ZNF521: variants seen among roughly 807,000 people sequenced by gnomAD.
The protein encoded by ZNF521 is LYST-interacting protein 3.
A neutral mutation model predicts 105.5 loss-of-function variants in ZNF521; 14 were observed. That is an observed-to-expected ratio of 0.13 (90% CI 0.09 to 0.21). ZNF521 has a LOEUF of 0.21. Among genes scored for constraint, ZNF521 ranks in the 10% least tolerant of loss-of-function variants. ZNF521 has a pLI of 1.00. For missense variants in ZNF521, 1,233 were observed against 1,629.7 expected (o/e 0.76, Z 4.19); for synonymous variants, 635 against 606.0 (o/e 1.05, Z -0.70).
At chr18:25,074,151 CA>C (rs1389287383) in intron 7 of ZNF521, among the ~76,000 whole-genome samples, 5 of 149,612 alleles carry the variant, frequency 3.3e-5, no homozygotes, top group Non-Finnish European at 7.4e-5. Context: ...TTGCGCAGGG[CA>C]AAAAAAAAGA....
intron 7 of ZNF521, among the ~76,000 whole-genome samples, chr18:25,067,936 G>A (rs2033112886): frequency 6.6e-6 from 1 of 152,148 alleles, no homozygotes; most frequent in Admixed American, 6.5e-5. Context: ...ATTCAAAGAT[G>A]TTAATCATTT....
At chr18:25,326,855 C>G (rs145270639) in intron 2 of ZNF521, among the ~76,000 whole-genome samples, 1 of 152,132 alleles carries the variant, frequency 6.6e-6, no homozygotes, top group Non-Finnish European at 1.5e-5. Flanking sequence ...TATATACTCA[C>G]GCAAACTTAA....
rs751210489 is a variant in ZNF521 at position 25,226,534 on chromosome 18, C to T, written c.1384G>A (p.Ala462Thr). ...GAAACAATCAGACCTGGGTCCTGAG[C>T]TTCATGCACTTGCTTAAGATGTTCA... is the stretch of plus-strand genomic sequence containing the variant. ...LNEHLKQVHEAQDPGLIVSAM... is the reference protein window; with the variant it reads ...LNEHLKQVHETQDPGLIVSAM... The change falls in exon 4 of 8, where the codon GCT becomes ACT. Residue 462 changes from alanine to threonine, a missense_variant. By Grantham distance (58) the Ala-to-Thr change is moderately conservative. Transcript: ENST00000361524. The surrounding 1 kb of genome is among the most constrained non-coding windows in gnomAD (Gnocchi z 4.1). The T allele has an allele frequency of 6.2e-7, 1 of 1,614,118 alleles. No individual in the cohort carries two copies. Among genetic ancestry groups the T allele is most frequent in the East Asian group, 2.2e-5 (1 of 44,864 alleles).
At position 25,350,948 on chromosome 18, in the gene ZNF521, C is replaced by T; in HGVS notation, c.-1-1G>A. The T allele has an allele frequency of 6.5e-7, 1 of 1,548,834 alleles. No homozygotes were observed. Among genetic ancestry groups the T allele is most frequent in the Non-Finnish European group, 8.7e-7 (1 of 1,145,552 alleles). ...TTTCGCTTGCTTGCGGCGAGACATCCTAAAAGCAAACAGCTGAAGTTGTTT... is the reference window on the plus strand; with the variant it reads ...TTTCGCTTGCTTGCGGCGAGACATCTTAAAAGCAAACAGCTGAAGTTGTTT... On this transcript the variant is annotated splice_acceptor_variant, in intron 1 of 7. Coordinates refer to ENST00000361524, the MANE Select transcript of ZNF521 (RefSeq NM_015461.3). LOFTEE classifies it low-confidence loss of function (5UTR_SPLICE).
chr18:25,164,778 A>G (rs987004759), intron 5 of ZNF521, among the ~76,000 whole-genome samples: 6 of 152,170 alleles, frequency 3.9e-5, no homozygotes, highest in Non-Finnish European at 7.3e-5. Context: ...TCAATTCACT[A>G]TTTATGCTGA....
chr18:25,325,777 C>T (rs1913183360), intron 2 of ZNF521, among the ~76,000 whole-genome samples: 1 of 152,170 alleles, frequency 6.6e-6, no homozygotes, highest in African/African-American at 2.4e-5. Context: ...TTTTGGAACA[C>T]ACGCACAATT....
chr18:25,146,921 G>A (rs1055802737), intron 5 of ZNF521, among the ~76,000 whole-genome samples: 1 of 151,882 alleles, frequency 6.6e-6, no homozygotes, highest in Non-Finnish European at 1.5e-5. Flanking sequence ...CACATCTTAC[G>A]TGTTTGTAAA....
At chr18:25,180,403 T>C (rs1418073646) in intron 5 of ZNF521, among the ~76,000 whole-genome samples, 1 of 152,116 alleles carries the variant, frequency 6.6e-6, no homozygotes, top group East Asian at 1.9e-4. Context: ...ACAGAAATAA[T>C]GTCAAAAGCA....
intron 7 of ZNF521, among the ~76,000 whole-genome samples, chr18:25,067,265 C>T (rs921651325): frequency 1.3e-5 from 2 of 152,056 alleles, no homozygotes; most frequent in African/African-American, 4.8e-5. Context: ...ACCTTAATAG[C>T]GAGGTTTCAA....
Position 25,062,584 on chromosome 18 carries a change from A to G in ZNF521, c.*128T>C. The stretch of plus-strand genomic sequence containing the variant: ...CATGAACATCCAACAGTTTGATAAT[A>G]CAAGTTTTATGGTACAATACAATGT... On this transcript the variant is annotated 3_prime_UTR_variant, in exon 8 of 8. Transcript: ENST00000361524. 1 of 1,276,204 alleles carries G rather than the reference A, an allele frequency of 7.8e-7. No individual in the cohort carries two copies. The highest frequency in any genetic ancestry group is 1.1e-6 in the Non-Finnish European group (1 of 908,892). 79.1% of individuals were successfully genotyped at this position (1,276,204 alleles called of 1,614,324 possible).
intron 2 of ZNF521, among the ~76,000 whole-genome samples, chr18:25,342,281 C>T (rs1914239173): frequency 6.6e-6 from 1 of 152,194 alleles, no homozygotes; most frequent in Non-Finnish European, 1.5e-5. Context: ...ACCCCAAACC[C>T]CCCTATGTAT....
At chr18:25,211,890 T>C (rs913195013) in intron 4 of ZNF521, among the ~76,000 whole-genome samples, 5 of 152,240 alleles carry the variant, frequency 3.3e-5, no homozygotes, top group African/African-American at 1.2e-4. Flanking sequence ...TTTATACATG[T>C]CAGTAGAGAT....
chr18:25,154,306 T>A lies in ZNF521; in HGVS notation c.3658+40854A>T, dbSNP rs889883076. ...TCTACACCAGTTCTAAAATTGCTATTGCTGTTTCTCCATTAATTAATTACC... is the reference window on the plus strand; with the variant it reads ...TCTACACCAGTTCTAAAATTGCTATAGCTGTTTCTCCATTAATTAATTACC... On this transcript the variant is annotated intron_variant, in intron 5 of 7. Transcript: ENST00000361524. Among the ~76,000 whole-genome samples, 3 of 152,296 alleles carry A rather than the reference T, an allele frequency of 2.0e-5. No individual in the cohort carries two copies. In the South Asian group the frequency reaches 6.2e-4, roughly 32 times the overall value.
At chr18:25,283,768 G>A (rs1568054635) in intron 3 of ZNF521, among the ~76,000 whole-genome samples, 1 of 152,102 alleles carries the variant, frequency 6.6e-6, no homozygotes, top group Middle Eastern at 3.4e-3. Context: ...CATCATTGAC[G>A]GGAGTTTAAA....
At chr18:25,171,546 C>T (rs1173970794) in intron 5 of ZNF521, among the ~76,000 whole-genome samples, 1 of 152,022 alleles carries the variant, frequency 6.6e-6, no homozygotes, top group Non-Finnish European at 1.5e-5. Flanking sequence ...AAATGTAATC[C>T]TTACTAGTTC....
chr18:25,328,881 G>A (rs1913392669), intron 2 of ZNF521, among the ~76,000 whole-genome samples: 1 of 152,062 alleles, frequency 6.6e-6, no homozygotes, highest in African/African-American at 2.4e-5. Flanking sequence ...CATGAAATTT[G>A]GTAAAAGAAA....
At chr18:25,208,876 C>T (rs901544147) in intron 4 of ZNF521, among the ~76,000 whole-genome samples, 1 of 152,066 alleles carries the variant, frequency 6.6e-6, no homozygotes, top group Non-Finnish European at 1.5e-5. Flanking sequence ...TCAGTAGAGA[C>T]GAGGTCTTGC....
chr18:25,285,757 C>T (rs1489623000), intron 3 of ZNF521, among the ~76,000 whole-genome samples: 8 of 152,106 alleles, frequency 5.3e-5, no homozygotes, highest in East Asian at 1.9e-4. Context: ...CGCACATGCA[C>T]GCATGGCTAT....
intron 2 of ZNF521, among the ~76,000 whole-genome samples, chr18:25,326,007 G>A (rs1026027121): frequency 6.6e-6 from 1 of 152,180 alleles, no homozygotes; most frequent in African/African-American, 2.4e-5. Flanking sequence ...GCTTAAAAGT[G>A]TTGGAGGCAA....
Sources: gnomAD v4.1 joint callset for allele counts (sites outside exome capture counted in the v4.1 genomes callset) on GRCh38, gnomAD v4.1.1 for gene constraint, Gnocchi (gnomAD v3.1) non-coding constraint, MANE v1.5 for transcripts, NCBI Gene and HGNC (gene_info 2026-07-23, HGNC 2026-07-21) for gene names.